Variants in SAMD12 observed in about 807,000 individuals in gnomAD.
SAMD12 encodes the protein sterile alpha motif domain containing 12.
A neutral mutation model predicts 15.0 loss-of-function variants in SAMD12; 9 were observed. That is an observed-to-expected ratio of 0.60 (90% CI 0.36 to 1.05). The LOEUF is 1.05. Ranked by LOEUF, SAMD12 falls within the 50% of genes least tolerant of loss-of-function variation. SAMD12 has a pLI of 0.01. For missense variants in SAMD12, 230 were observed against 234.2 expected, an observed-to-expected ratio of 0.98 and a Z score of 0.12; for synonymous variants, 86 against 90.1, an observed-to-expected ratio of 0.96 and a Z score of 0.25.
intron 1 of SAMD12, among the ~76,000 whole-genome samples, chr8:118,595,684 T>C (rs1056980568): frequency 3.3e-5 from 5 of 152,204 alleles, no homozygotes; most frequent in Admixed American, 3.3e-4. Context: ...TTTGCTCTTT[T>C]TTCTTCACCC....
At chr8:118,424,578 A>G (rs1466950812) in intron 3 of SAMD12, among the ~76,000 whole-genome samples, 2 of 152,314 alleles carry the variant, frequency 1.3e-5, no homozygotes, top group Middle Eastern at 3.4e-3. Context: ...ACATTACCCT[A>G]CAGTTAATAT....
intron 3 of SAMD12, among the ~76,000 whole-genome samples, chr8:118,401,388 T>C (rs1346635325): frequency 6.6e-6 from 1 of 152,142 alleles, no homozygotes; most frequent in Admixed American, 6.5e-5. Context: ...CTGGGCTTTA[T>C]TTATTTTAGA....
At chr8:118,604,781 G>A (rs1364116715) in intron 1 of SAMD12, among the ~76,000 whole-genome samples, 1 of 152,074 alleles carries the variant, frequency 6.6e-6, no homozygotes, top group Non-Finnish European at 1.5e-5. Flanking sequence ...AATTAGGGGG[G>A]CGTGGTGGCG....
chr8:118,279,582 T>C (rs2130148628), intron 4 of SAMD12, among the ~76,000 whole-genome samples: 1 of 152,352 alleles, frequency 6.6e-6, no homozygotes, highest in Non-Finnish European at 1.5e-5. Flanking sequence ...ACATTTGAAT[T>C]ATGCTTTGAA....
chr8:118,304,086 G>A (rs1411681393), intron 4 of SAMD12, among the ~76,000 whole-genome samples: 4 of 152,122 alleles, frequency 2.6e-5, no homozygotes, highest in African/African-American at 9.7e-5. Context: ...GTGGGCCCGG[G>A]TTCTCCGCTC....
At chr8:118,426,468 T>C (rs890661566) in intron 3 of SAMD12, among the ~76,000 whole-genome samples, 2 of 152,300 alleles carry the variant, frequency 1.3e-5, no homozygotes, top group Admixed American at 6.5e-5. Flanking sequence ...CTACAGTCCA[T>C]GTGGTTCTCA....
the SAMD12 span, among the ~76,000 whole-genome samples, chr8:118,176,489 A>G: frequency 6.6e-6 from 1 of 152,218 alleles, no homozygotes; most frequent in Non-Finnish European, 1.5e-5. Context: ...AGCCATAAAA[A>G]AGAATGATAT....
chr8:118,305,198 A>T (rs1015313680), intron 4 of SAMD12, among the ~76,000 whole-genome samples: 1 of 149,564 alleles, frequency 6.7e-6, no homozygotes, highest in Non-Finnish European at 1.5e-5. Flanking sequence ...GGCATTAAGT[A>T]CGTTCACAGT....
At chr8:118,321,185 A>ATATATT (rs1816257166) in intron 4 of SAMD12, among the ~76,000 whole-genome samples, 1 of 115,844 alleles carries the variant, frequency 8.6e-6, no homozygotes, top group African/African-American at 3.1e-5. Flanking sequence ...ATATATATAT[A>ATATATT]TTCTTCATCA....
intron 3 of SAMD12, among the ~76,000 whole-genome samples, chr8:118,385,906 T>C (rs184934584): frequency 1.3e-5 from 2 of 152,292 alleles, no homozygotes; most frequent in East Asian, 1.9e-4. Context: ...GGGAAGAGGC[T>C]CCATTTCATT....
At chr8:118,318,924 G>T (rs1243289733) in intron 4 of SAMD12, among the ~76,000 whole-genome samples, 1 of 152,048 alleles carries the variant, frequency 6.6e-6, no homozygotes, top group Non-Finnish European at 1.5e-5. Flanking sequence ...AGATTTTGAT[G>T]CTGGGGACAG....
chr8:118,394,374 G>A (rs1337567453), intron 3 of SAMD12, among the ~76,000 whole-genome samples: 1 of 152,168 alleles, frequency 6.6e-6, no homozygotes, highest in Admixed American at 6.5e-5. Flanking sequence ...GAACCTACAG[G>A]CAAAATACAA....
intron 3 of SAMD12, among the ~76,000 whole-genome samples, chr8:118,410,213 T>A (rs1821342293): frequency 6.6e-6 from 1 of 152,160 alleles, no homozygotes; most frequent in African/African-American, 2.4e-5. Flanking sequence ...GGATGTGTGA[T>A]AAACAAATGA....
chr8:118,197,553 A>G lies in SAMD12; in HGVS notation c.*157T>C, dbSNP rs1819600051. Reference sequence around the variant, plus strand: ...GCAAAGCAAGATTTTTCCAAAACCCATAATATTGACTGAATGGGTGCTTTT... The same window carrying G: ...GCAAAGCAAGATTTTTCCAAAACCCGTAATATTGACTGAATGGGTGCTTTT... On this transcript the variant is annotated 3_prime_UTR_variant, in exon 5 of 5. Transcript: ENST00000409003. The G allele has an allele frequency of 6.6e-6, 5 of 752,302 alleles. No homozygotes were observed. The East Asian group carries it at 7.4e-5, about 11-fold the overall frequency. The allele number at this position is 752,302 out of a possible 1,614,324, so 46.6% of individuals were successfully genotyped here.
chr8:118,339,715 C>T (rs534330663), intron 4 of SAMD12, among the ~76,000 whole-genome samples: 3 of 152,296 alleles, frequency 2.0e-5, no homozygotes, highest in South Asian at 4.1e-4. Context: ...CCTGCAGCTG[C>T]GATGGGTCAG....
In SAMD12 at chr8:118,191,782, A is replaced by C. The variant is rs1419207527; in HGVS notation, c.*5928T>G. ...TATATATATATATATATATATATATATATATATATATATATATATATATAT... is the reference window on the plus strand; with the variant it reads ...TATATATATATATATATATATATATCTATATATATATATATATATATATAT... On this transcript the variant is annotated 3_prime_UTR_variant, in exon 5 of 5. Transcript: ENST00000409003. 352 of 47,176 alleles carry C rather than the reference A, an allele frequency of 7.5e-3. 22 individuals carry two copies. The highest frequency in any genetic ancestry group is 0.027 in the African/African-American group (335 of 12,372). 2.9% of individuals were successfully genotyped at this position (47,176 alleles called of 1,614,324 possible). A position where few individuals can be genotyped will look rare whatever the true frequency, so the allele number is the denominator to read the frequency against.
At chr8:118,153,933 A>G in the SAMD12 span, among the ~76,000 whole-genome samples, 3 of 151,978 alleles carry the variant, frequency 2.0e-5, no homozygotes, top group Non-Finnish European at 4.4e-5. Context: ...ATCTGAAATG[A>G]ATTTCTCTCC....
At position 118,563,475 on chromosome 8, in the gene SAMD12, T is replaced by C. The variant is rs141929242; in HGVS notation, c.192+17240A>G. 2.0e-5 allele frequency among the ~76,000 whole-genome samples: 3 copies of C among 152,262 alleles called. No homozygotes were observed. In the East Asian group the frequency reaches 5.8e-4, roughly 29 times the overall value. ...TCTAAAGAGGACTCCAGGAGGAAGG[T>C]TGGGAAACTCTCAGAACACTGAAAA... On this transcript the variant is annotated intron_variant, in intron 2 of 3. Transcript: ENST00000314727.
intron 3 of SAMD12, among the ~76,000 whole-genome samples, chr8:118,415,774 T>C (rs1821657046): frequency 6.6e-6 from 1 of 152,130 alleles, no homozygotes; most frequent in African/African-American, 2.4e-5. Flanking sequence ...CTATCTAATC[T>C]GCCCACATAA....
Sources: gnomAD v4.1 joint callset for allele counts (sites outside exome capture counted in the v4.1 genomes callset) on GRCh38, gnomAD v4.1.1 for gene constraint, MANE v1.5 for transcripts, NCBI Gene and HGNC (gene_info 2026-07-23, HGNC 2026-07-21) for gene names.